The following PRIMPOL variants were observed in gnomAD, a reference collection of about 807,000 sequenced individuals.
PRIMPOL encodes the protein primase and DNA directed polymerase, also known as DNA-directed primase/polymerase protein.
A neutral mutation model predicts 63.6 loss-of-function variants in PRIMPOL; 54 were observed. That is an observed-to-expected ratio of 0.85 (90% confidence interval 0.68 to 1.07). The LOEUF is 1.07. Ranked by LOEUF, PRIMPOL falls within the 50% of genes least tolerant of loss-of-function variation. PRIMPOL has a pLI of 0.00. For synonymous variants in PRIMPOL, 197 were observed against 220.2 expected, an observed-to-expected ratio of 0.89 and a Z score of 0.93; for missense variants, 610 against 648.3, an observed-to-expected ratio of 0.94 and a Z score of 0.64.
rs200857997 is a variant in PRIMPOL at position 184,659,424 on chromosome 4, T to G, written c.265T>G (p.Tyr89Asp). The change falls in exon 4 of 14, where the codon TAC becomes GAC. Residue 89 changes from tyrosine to aspartate, a missense_variant. Transcript: ENST00000314970. ...LVTTYAEFWF[Y>D]YKSRKNLLHC... ...GACAACCTATGCTGAATTTTGGTTT[T>G]ACTATAAATCCAGGTAGGTAGCATG... is the stretch of plus-strand genomic sequence containing the variant. 1.4e-4 allele frequency: 220 copies of G among 1,610,904 alleles called. 1 individual carries two copies. The East Asian group carries it at 3.7e-3, about 27-fold the overall frequency.
chr4:184,688,942 C>T (rs1041215087), intron 11 of PRIMPOL, among the ~76,000 whole-genome samples: 1 of 151,922 alleles, frequency 6.6e-6, no homozygotes, highest in Non-Finnish European at 1.5e-5. Flanking sequence ...GTGTTTATGT[C>T]CGAACAGTTT....
chr4:184,676,368 C>CCCTTCCCTTT (rs1753377623), intron 7 of PRIMPOL, among the ~76,000 whole-genome samples: 1 of 81,570 alleles, frequency 1.2e-5, no homozygotes, highest in Non-Finnish European at 2.6e-5. Context: ...CTTCTCCTTT[C>CCCTTCCCTTT]CCTTCCCTTC....
chr4:184,673,139 T>TTC (rs1307398721), intron 7 of PRIMPOL, among the ~76,000 whole-genome samples: 5 of 150,854 alleles, frequency 3.3e-5, no homozygotes, highest in Admixed American at 2.0e-4. Flanking sequence ...CTTTTTCTTT[T>TTC]TTTTTTTTGA....
intron 7 of PRIMPOL, among the ~76,000 whole-genome samples, chr4:184,677,227 G>T (rs1024862855): frequency 2.8e-4 from 42 of 151,734 alleles, no homozygotes; most frequent in Non-Finnish European, 1.0e-4. Context: ...CTCCCATAAT[G>T]CTGGGATTAC....
At chr4:184,670,562 T>G (rs1203323092) in intron 6 of PRIMPOL, among the ~76,000 whole-genome samples, 2 of 151,656 alleles carry the variant, frequency 1.3e-5, no homozygotes, top group Admixed American at 6.6e-5. Context: ...TTTTTTTTTT[T>G]TGTGAGACAA....
intron 6 of PRIMPOL, among the ~76,000 whole-genome samples, 184 bp downstream of exon 6, chr4:184,666,248 C>T (rs1268497269): frequency 3.3e-5 from 5 of 152,114 alleles, no homozygotes; most frequent in African/African-American, 7.2e-5. Context: ...CCATGGTGGG[C>T]GGCTCACTTG....
chr4:184,666,169 C>G, intron 6 of PRIMPOL, 105 bp downstream of exon 6: 1 of 869,444 alleles, frequency 1.2e-6, no homozygotes. Context: ...TGGTCATTAA[C>G]TTATCCTAAA....
At chr4:184,666,094 A>C (rs773932292) in intron 6 of PRIMPOL, 30 bp downstream of exon 6, 7 of 1,537,032 alleles carry the variant, frequency 4.6e-6, no homozygotes, top group African/African-American at 1.4e-5. Context: ...AAAATCATGG[A>C]GTTGTATTCA....
chr4:184,654,453 G>GTTTTTTTTTTTGTTT (rs1553985961), intron 2 of PRIMPOL, among the ~76,000 whole-genome samples: 2 of 33,556 alleles, frequency 6.0e-5, no homozygotes, highest in Non-Finnish European at 1.1e-4. Flanking sequence ...AGTTAAAGCA[G>GTTTTTTTTTTTGTTT]TTTTTTTTTT....
intron 4 of PRIMPOL, among the ~76,000 whole-genome samples, 200 bp downstream of exon 4, chr4:184,659,637 T>A (rs1393519462): frequency 1.3e-5 from 2 of 152,200 alleles, no homozygotes; most frequent in African/African-American, 4.8e-5. Flanking sequence ...AAAATAATCA[T>A]GCACATACAC....
At chr4:184,670,083 T>G (rs55880126) in intron 6 of PRIMPOL, among the ~76,000 whole-genome samples, 14,308 of 152,204 alleles carry the variant, frequency 0.094, 833 homozygotes, top group Middle Eastern at 0.15. Context: ...AATTAGATAG[T>G]TCCTGTCCTC....
chr4:184,655,153 G>A (rs976855675), intron 2 of PRIMPOL, among the ~76,000 whole-genome samples: 3 of 151,938 alleles, frequency 2.0e-5, no homozygotes, highest in African/African-American at 4.8e-5. Flanking sequence ...GGGATTACAG[G>A]TGCCCGCCAC....
At chr4:184,656,549 A>G (rs931750878) in intron 2 of PRIMPOL, among the ~76,000 whole-genome samples, 1 of 152,196 alleles carries the variant, frequency 6.6e-6, no homozygotes, top group Non-Finnish European at 1.5e-5. Context: ...AGCCCAACTA[A>G]AAGTTGTGTT....
At position 184,681,330 on chromosome 4, in the gene PRIMPOL, A is replaced by C. The variant is rs73873062; in HGVS notation, c.1008-918A>C. 3.8e-3 allele frequency among the ~76,000 whole-genome samples: 579 copies of C among 152,274 alleles called. 2 individuals are homozygous for C. The highest frequency in any genetic ancestry group is 0.013 in the African/African-American group (557 of 41,546). ...CTTTGTGTTTGGTGAATAGAGTTAT[A>C]TAGTCGTCTCCTGGTGTCTGTGGGT... On this transcript the variant is annotated intron_variant, in intron 8 of 13. Transcript: ENST00000314970.
intron 2 of PRIMPOL, among the ~76,000 whole-genome samples, chr4:184,652,834 C>T (rs12510025): frequency 0.93 from 36,514 of 39,200 alleles, 17,168 homozygotes; most frequent in East Asian, 1. Context: ...AGGAATTGAC[C>T]AGTGATGAGA....
At chr4:184,680,584 C>T (rs755967569) in intron 8 of PRIMPOL, among the ~76,000 whole-genome samples, 15 of 152,092 alleles carry the variant, frequency 9.9e-5, no homozygotes, top group Non-Finnish European at 2.1e-4. Context: ...AGTTAACAGC[C>T]GTTACCCAGG....
At chr4:184,676,399 C>T (rs865858997) in intron 7 of PRIMPOL, among the ~76,000 whole-genome samples, 21 of 95,204 alleles carry the variant, frequency 2.2e-4, no homozygotes, top group Non-Finnish European at 3.5e-4. Context: ...CCTTCCCTTC[C>T]CCCTTCCCTT....
At chr4:184,694,374 A>G in intron 13 of PRIMPOL, 148 bp from the exon 14 acceptor site, 2 of 1,411,016 alleles carry the variant, frequency 1.4e-6, no homozygotes, top group Non-Finnish European at 1.8e-6. Flanking sequence ...TCCCACGGTG[A>G]GATATCGGAG....
intron 6 of PRIMPOL, among the ~76,000 whole-genome samples, chr4:184,666,530 C>A (rs1749930244): frequency 6.6e-6 from 1 of 152,188 alleles, no homozygotes; most frequent in South Asian, 2.1e-4. Flanking sequence ...ACCTGTCTTT[C>A]TGTTCTAGAC....
Sources: allele counts gnomAD v4.1 joint callset (sites outside exome capture counted in the v4.1 genomes callset), GRCh38; gene constraint gnomAD v4.1.1; transcripts MANE v1.5; gene names NCBI Gene and HGNC (gene_info 2026-07-23, HGNC 2026-07-21).